SNX29: variants seen among roughly 807,000 people sequenced by gnomAD.
The protein encoded by SNX29 is sorting nexin 29.
In SNX29, 78 loss-of-function variants were observed where a neutral mutation model predicts 102.1. The observed-to-expected ratio is 0.76, with a 90% CI of 0.64 to 0.92. SNX29 has a LOEUF of 0.92. SNX29 is among the 40% of genes least tolerant of loss of function. The pLI, the probability that SNX29 is intolerant of heterozygous loss-of-function variation, is 0.00. For synonymous variants in SNX29, 580 were observed against 414.5 expected (o/e 1.40, Z -4.85); for missense variants, 1,280 against 1,061.7 (o/e 1.21, Z -2.86).
intron 13 of SNX29, among the ~76,000 whole-genome samples, chr16:12,144,707 G>A (rs1029292305): frequency 6.6e-6 from 1 of 152,232 alleles, no homozygotes; most frequent in Non-Finnish European, 1.5e-5. Context: ...AAAACAGACT[G>A]AGACGGCTTG....
At chr16:12,213,770 T>C (rs2077248911) in intron 14 of SNX29, among the ~76,000 whole-genome samples, 1 of 152,198 alleles carries the variant, frequency 6.6e-6, no homozygotes, top group African/African-American at 2.4e-5. Context: ...TCCCGACCTT[T>C]AAGTAAACCC....
chr16:12,204,997 C>T (rs770331054), intron 14 of SNX29, among the ~76,000 whole-genome samples: 5 of 151,820 alleles, frequency 3.3e-5, no homozygotes, highest in Non-Finnish European at 5.9e-5. Context: ...GTCCAGCAAT[C>T]CCCGATTCCA....
Position 12,568,582 on chromosome 16 carries a change from C to G in SNX29, c.2395C>G (p.Gln799Glu). 1 of 1,607,274 alleles carries G rather than the reference C, an allele frequency of 6.2e-7. No individual in the cohort carries two copies. The highest frequency in any genetic ancestry group is 1.7e-5 in the Admixed American group (1 of 60,024). Residue 799 changes from glutamine (Q) to glutamate (E), a missense_variant, in exon 21 of 21, where the codon CAG (glutamine) becomes GAG (glutamate). Coordinates refer to ENST00000566228, the MANE Select transcript of SNX29 (RefSeq NM_032167.5). ...ASRFPKLSRG[Q>E]PRETRNVEPQ... The stretch of plus-strand genomic sequence containing the variant: ...CCGCTTCCCCAAACTGTCCCGGGGT[C>G]AGCCCCGGGAGACCCGCAACGTGGA...
chr16:12,086,860 G>C (rs8050180), intron 11 of SNX29: 41,748 of 151,982 alleles, frequency 0.27, 6,049 homozygotes, highest in South Asian at 0.39. Context: ...TGGGGGACCA[G>C]GAGGTACAAA....
chr16:12,339,981 G>A (rs2081566138), intron 15 of SNX29, among the ~76,000 whole-genome samples: 1 of 152,146 alleles, frequency 6.6e-6, no homozygotes, highest in South Asian at 2.1e-4. Context: ...CAAAAAAGAG[G>A]GGAATTCATC....
intron 11 of SNX29, among the ~76,000 whole-genome samples, chr16:12,101,907 C>T (rs1413365675): frequency 1.3e-5 from 2 of 152,144 alleles, no homozygotes; most frequent in African/African-American, 2.4e-5. Context: ...CTAATGTTCT[C>T]CCTCCCCTAG....
Position 12,161,803 on chromosome 16 carries a change from C to G in SNX29, c.1595+32045C>G, listed in dbSNP as rs201528944. 8.7e-5 allele frequency among the ~76,000 whole-genome samples: 13 copies of G among 150,066 alleles called. No individual in the cohort carries two copies. The East Asian group carries it at 2.6e-3, about 30-fold the overall frequency. ...TTCTCTTGCCTGTGGCACGCCAGTT[C>G]CCTATGCCTTCTGCCATGACTGAAA... On this transcript the variant is annotated intron_variant, in intron 13 of 20. Transcript: ENST00000566228.
intron 18 of SNX29, among the ~76,000 whole-genome samples, chr16:12,463,794 C>A (rs1395529045): frequency 6.6e-6 from 1 of 151,438 alleles, no homozygotes; most frequent in Non-Finnish European, 1.5e-5. Context: ...ATCAGATTAA[C>A]ATATCCACCA....
intron 14 of SNX29, among the ~76,000 whole-genome samples, chr16:12,225,782 C>T (rs552462108): frequency 1.2e-4 from 18 of 151,826 alleles, no homozygotes; most frequent in African/African-American, 4.1e-4. Flanking sequence ...CCAAACAAGT[C>T]TTGTTCTTCC....
At chr16:12,358,152 TG>T (rs2082195263) in intron 16 of SNX29, among the ~76,000 whole-genome samples, 1 of 151,930 alleles carries the variant, frequency 6.6e-6, no homozygotes, top group African/African-American at 2.4e-5. Flanking sequence ...TAAACTTTAC[TG>T]AGTTTTGCCA....
chr16:12,368,037 C>T (rs1353502955), intron 16 of SNX29, among the ~76,000 whole-genome samples: 1 of 152,210 alleles, frequency 6.6e-6, no homozygotes, highest in Admixed American at 6.5e-5. Flanking sequence ...TCACATGCTC[C>T]TTGCTGTTCA....
chr16:12,086,419 C>G (rs2151379733), intron 11 of SNX29, among the ~76,000 whole-genome samples: 1 of 152,132 alleles, frequency 6.6e-6, no homozygotes, highest in East Asian at 1.9e-4. Context: ...TTAAGCTTAT[C>G]ATTACTATTT....
At chr16:12,343,478 A>G (rs997077141) in intron 15 of SNX29, among the ~76,000 whole-genome samples, 3 of 152,240 alleles carry the variant, frequency 2.0e-5, no homozygotes, top group Non-Finnish European at 4.4e-5. Context: ...CCCACTTTAT[A>G]GCCGAGGAAA....
intron 11 of SNX29, among the ~76,000 whole-genome samples, chr16:12,110,569 C>T (rs2053462939): frequency 6.6e-6 from 1 of 152,094 alleles, no homozygotes; most frequent in Non-Finnish European, 1.5e-5. Flanking sequence ...GGCTGGGCTG[C>T]TTGACTCCCT....
At chr16:12,536,555 C>A (rs532179116) in intron 20 of SNX29, among the ~76,000 whole-genome samples, 1 of 152,164 alleles carries the variant, frequency 6.6e-6, no homozygotes, top group Non-Finnish European at 1.5e-5. Context: ...ATTATAGCCC[C>A]TACCTCAGAA....
intron 13 of SNX29, among the ~76,000 whole-genome samples, chr16:12,187,887 C>G (rs745795400): frequency 3.9e-5 from 6 of 152,092 alleles, no homozygotes; most frequent in Non-Finnish European, 8.8e-5. Flanking sequence ...CTGCATCCCT[C>G]GAGGGACCTG....
chr16:12,046,358 A>G, intron 5 of SNX29, 26 bp from the exon 6 acceptor site: 2 of 1,611,786 alleles, frequency 1.2e-6, no homozygotes, highest in Non-Finnish European at 1.7e-6. Flanking sequence ...GCTAAGAACG[A>G]TTTCCTTTTC....
intron 13 of SNX29, among the ~76,000 whole-genome samples, chr16:12,147,557 G>C (rs533485025): frequency 6.6e-6 from 1 of 152,296 alleles, no homozygotes; most frequent in Non-Finnish European, 1.5e-5. Context: ...ACAATGGGAA[G>C]AGAGGTGTGG....
intron 19 of SNX29, among the ~76,000 whole-genome samples, chr16:12,512,270 G>A (rs1034597966): frequency 1.3e-5 from 2 of 150,078 alleles, no homozygotes; most frequent in African/African-American, 4.9e-5. Context: ...TGCGGCTGGA[G>A]AGGCAGGTGG....
Sources: allele counts gnomAD v4.1 joint callset (sites outside exome capture counted in the v4.1 genomes callset), GRCh38; gene constraint gnomAD v4.1.1; transcripts MANE v1.5; gene names NCBI Gene and HGNC (gene_info 2026-07-23, HGNC 2026-07-21).